XKR9: variants seen among roughly 807,000 people sequenced by gnomAD.
XKR9 encodes XK-related protein 9.
XKR9 carries 32 observed loss-of-function variants against 32.0 expected under a neutral mutation model. The observed-to-expected ratio is 1.00, with a 90% CI of 0.76 to 1.34. The LOEUF (loss-of-function observed/expected upper bound fraction) is 1.34, where lower values mean the gene tolerates loss of function less well. Among genes scored for constraint, XKR9 ranks in the 40% most tolerant of loss-of-function variants. The pLI is 0.00. For synonymous variants in XKR9, 168 were observed against 143.4 expected (o/e 1.17, Z -1.22); for missense variants, 546 against 429.7 (o/e 1.27, Z -2.39).
In XKR9 at chr8:70,721,295, A is replaced by G. The variant is rs190310975; in HGVS notation, c.494-12501A>G. ...TTTTTGAACGGTTTTTCGTTTCTCT[A>G]TCTCCTTCAGTTCTGCTCTGAGCTT... On this transcript the variant is annotated intron_variant, in intron 4 of 4. Coordinates refer to ENST00000408926, the MANE Select transcript of XKR9 (RefSeq NM_001011720.2). 1.7e-3 allele frequency among the ~76,000 whole-genome samples: 254 copies of G among 150,136 alleles called. 1 individual carries two copies. Among genetic ancestry groups the G allele is most frequent in the African/African-American group, 5.6e-4 (23 of 40,916 alleles).
intron 3 of XKR9, among the ~76,000 whole-genome samples, chr8:70,693,896 C>A (rs1251458281): frequency 2.0e-5 from 3 of 151,918 alleles, no homozygotes; most frequent in African/African-American, 7.3e-5. Flanking sequence ...GAGGCAGTGG[C>A]AAAGAGGCTT....
chr8:70,834,271 A>C, the XKR9 span, among the ~76,000 whole-genome samples: 3 of 152,160 alleles, frequency 2.0e-5, no homozygotes, highest in Non-Finnish European at 2.9e-5. Flanking sequence ...TAATATAAGA[A>C]GCTTTAGTTC....
the XKR9 span, among the ~76,000 whole-genome samples, chr8:70,865,017 C>G: frequency 6.6e-6 from 1 of 152,128 alleles, no homozygotes; most frequent in Non-Finnish European, 1.5e-5. Flanking sequence ...GAAAGTGAGG[C>G]ATCCTGACAT....
At chr8:70,828,414 C>A in the XKR9 span, among the ~76,000 whole-genome samples, 8 of 152,206 alleles carry the variant, frequency 5.3e-5, no homozygotes, top group South Asian at 1.7e-3. Context: ...GGGTTGAACA[C>A]CTAGACAGTC....
intron 3 of XKR9, among the ~76,000 whole-genome samples, chr8:70,685,062 A>G (rs979614113): frequency 6.6e-6 from 1 of 150,626 alleles, no homozygotes; most frequent in Non-Finnish European, 1.5e-5. Flanking sequence ...TGATTGCAGC[A>G]CTATTCACAA....
chr8:70,994,752 T>G, the XKR9 span, among the ~76,000 whole-genome samples: 5 of 148,946 alleles, frequency 3.4e-5, no homozygotes, highest in African/African-American at 1.0e-4. Context: ...ATTCTGTTTT[T>G]TTTTTTTTTT....
intron 4 of XKR9, among the ~76,000 whole-genome samples, chr8:70,716,411 C>T (rs1806089842): frequency 6.7e-6 from 1 of 148,592 alleles, no homozygotes; most frequent in South Asian, 2.1e-4. Flanking sequence ...GTTTAATTGA[C>T]TCACATTCTG....
the XKR9 span, among the ~76,000 whole-genome samples, chr8:70,933,067 G>T: frequency 0.31 from 47,324 of 151,900 alleles, 8,837 homozygotes; most frequent in Non-Finnish European, 0.43. Context: ...TTCTTCCTGG[G>T]GCAAGATATT....
the XKR9 span, among the ~76,000 whole-genome samples, chr8:71,050,447 C>T: frequency 5.2e-4 from 79 of 151,498 alleles, no homozygotes; most frequent in Non-Finnish European, 3.2e-4. Flanking sequence ...TAATGATATA[C>T]GGGGAAGACT....
chr8:70,981,231 AT>A, the XKR9 span, among the ~76,000 whole-genome samples: 1 of 152,128 alleles, frequency 6.6e-6, no homozygotes, highest in East Asian at 1.9e-4. Flanking sequence ...CCTGAAATAT[AT>A]TTTCCTGACT....
At chr8:70,909,592 G>A in the XKR9 span, among the ~76,000 whole-genome samples, 4 of 151,270 alleles carry the variant, frequency 2.6e-5, no homozygotes, top group African/African-American at 4.9e-5. Flanking sequence ...CCAAGATGCC[G>A]AGATCTCGCC....
At chr8:70,893,712 G>T in the XKR9 span, among the ~76,000 whole-genome samples, 23 of 152,246 alleles carry the variant, frequency 1.5e-4, no homozygotes, top group African/African-American at 5.5e-4. Context: ...TAGTGTCAAG[G>T]TCTTTTGGGG....
At chr8:70,692,194 C>T (rs1041361188) in intron 3 of XKR9, among the ~76,000 whole-genome samples, 1 of 151,838 alleles carries the variant, frequency 6.6e-6, no homozygotes, top group Non-Finnish European at 1.5e-5. Flanking sequence ...AATGGTATTG[C>T]CTTTCTTATT....
At chr8:70,952,701 A>G in the XKR9 span, among the ~76,000 whole-genome samples, 4 of 152,302 alleles carry the variant, frequency 2.6e-5, no homozygotes, top group East Asian at 3.9e-4. Flanking sequence ...GAGCATAACT[A>G]TGGTCCTCTG....
the XKR9 span, among the ~76,000 whole-genome samples, chr8:70,906,264 C>T: frequency 2.2e-3 from 336 of 152,302 alleles, 4 homozygotes; most frequent in Middle Eastern, 6.8e-3. Context: ...CCTTGAGCTG[C>T]GGTGGCCTCC....
At chr8:70,714,414 A>G (rs1806021736) in intron 4 of XKR9, among the ~76,000 whole-genome samples, 1 of 151,908 alleles carries the variant, frequency 6.6e-6, no homozygotes, top group South Asian at 2.1e-4. Context: ...TATTATTTTA[A>G]TACTCTTTTC....
rs375593485 is a variant in XKR9 at position 70,673,639 on chromosome 8, C to T, written c.-360-1179C>T. Reference sequence around the variant, plus strand: ...AATTAGGTGGGCATGGTGGCGGGTGCCTGTAATCCCAGCTACTTGGGAGGC... The same window carrying T: ...AATTAGGTGGGCATGGTGGCGGGTGTCTGTAATCCCAGCTACTTGGGAGGC... On this transcript the variant is annotated intron_variant, in intron 1 of 4. Transcript: ENST00000408926. Among the ~76,000 whole-genome samples the T allele has an allele frequency of 8.5e-5, 13 of 152,200 alleles. No individual in the cohort carries two copies. In the East Asian group the frequency reaches 2.5e-3, roughly 29 times the overall value.
the XKR9 span, among the ~76,000 whole-genome samples, chr8:70,987,228 C>T: frequency 6.6e-6 from 1 of 152,164 alleles, no homozygotes; most frequent in Admixed American, 6.5e-5. Flanking sequence ...TCATGCCTTC[C>T]CAACAATCCC....
chr8:70,921,904 G>A, the XKR9 span, among the ~76,000 whole-genome samples: 1 of 152,214 alleles, frequency 6.6e-6, no homozygotes, highest in Non-Finnish European at 1.5e-5. Context: ...CTTAGGACTA[G>A]AAGAATTGAA....
Sources: gnomAD v4.1 joint callset for allele counts (sites outside exome capture counted in the v4.1 genomes callset) on GRCh38, gnomAD v4.1.1 for gene constraint, MANE v1.5 for transcripts, NCBI Gene and HGNC (gene_info 2026-07-23, HGNC 2026-07-21) for gene names.